MLLT10: variants seen among roughly 807,000 people sequenced by gnomAD.
The protein encoded by MLLT10 is protein AF-10.
MLLT10 carries 30 observed loss-of-function variants against 129.1 expected under a neutral mutation model. That is an observed-to-expected ratio of 0.23 (90% CI 0.17 to 0.32). The LOEUF is 0.32. MLLT10 is among the 10% of genes least tolerant of loss of function. The probability of loss-of-function intolerance (pLI) is 1.00; values close to 1 mark genes in which losing one functional copy is unlikely to be tolerated. For synonymous variants in MLLT10, 490 were observed against 446.4 expected, an observed-to-expected ratio of 1.10 and a Z score of -1.23; for missense variants, 1,119 against 1,268.3, an observed-to-expected ratio of 0.88 and a Z score of 1.79.
At chr10:21,675,685 A>G (rs1001792522) in intron 11 of MLLT10, among the ~76,000 whole-genome samples, 1 of 152,216 alleles carries the variant, frequency 6.6e-6, no homozygotes, top group Non-Finnish European at 1.5e-5. Context: ...TTTTAGCAAG[A>G]GGCGTAGTAA....
At chr10:21,602,322 C>T (rs1054150113) in intron 5 of MLLT10, among the ~76,000 whole-genome samples, 6 of 152,118 alleles carry the variant, frequency 3.9e-5, no homozygotes, top group Non-Finnish European at 8.8e-5. Flanking sequence ...CCCCTACCCC[C>T]AGCTGGCTCC....
chr10:21,630,465 A>T (rs921818917), intron 8 of MLLT10, among the ~76,000 whole-genome samples: 7 of 152,202 alleles, frequency 4.6e-5, no homozygotes, highest in African/African-American at 1.7e-4. Context: ...TCTCACATTT[A>T]TACACATCTT....
chr10:21,601,601 G>A (rs2043539014), intron 5 of MLLT10, among the ~76,000 whole-genome samples: 1 of 152,084 alleles, frequency 6.6e-6, no homozygotes. Flanking sequence ...TATGTCTCAC[G>A]ATAGCCTCAA....
intron 3 of MLLT10, among the ~76,000 whole-genome samples, chr10:21,566,353 C>G (rs957668103): frequency 7.2e-6 from 1 of 139,438 alleles, no homozygotes; most frequent in African/African-American, 2.6e-5. Context: ...TTTTTTGAGA[C>G]AAAGTCTTAC....
intron 5 of MLLT10, among the ~76,000 whole-genome samples, chr10:21,605,700 G>T (rs1238301407): frequency 6.6e-6 from 1 of 152,158 alleles, no homozygotes; most frequent in Non-Finnish European, 1.5e-5. Flanking sequence ...CTCCCAAAGT[G>T]CTGGGAACTA....
intron 14 of MLLT10, among the ~76,000 whole-genome samples, chr10:21,720,841 T>C (rs1041350172): frequency 2.0e-5 from 3 of 152,210 alleles, no homozygotes; most frequent in African/African-American, 7.2e-5. Context: ...GCGCTTACCA[T>C]GTGTCAAGCA....
chr10:21,735,142 C>T lies in MLLT10; in HGVS notation c.2862C>T (p.Ala954=). 6.2e-7 allele frequency: 1 copy of T among 1,612,054 alleles called. No individual in the cohort carries two copies. ...HPMPATLTNS[A]SGLGLLSDQQ... ...AAGAATTGTAATCATTTTTCAGTGC[C>T]TCAGGACTAGGATTACTTTCTGACC... The change falls in exon 21 of 23, where the codon GCC becomes GCT. Residue 954 remains alanine (A), a synonymous_variant. Transcript: ENST00000307729.
At chr10:21,664,118 C>G (rs2050495280) in intron 9 of MLLT10, among the ~76,000 whole-genome samples, 1 of 151,952 alleles carries the variant, frequency 6.6e-6, no homozygotes. Flanking sequence ...TTTTCCTTTT[C>G]TTCTTTGACC....
rs142308638 is a variant in MLLT10 at position 21,550,466 on chromosome 10, C to G, written c.240+11554C>G. ...ATGTTGCTGTCATAGTCAGTCCTAC[C>G]CTCTAAGGTATTGTTTCTGATAGCT... On this transcript the variant is annotated intron_variant, in intron 3 of 22. Transcript: ENST00000307729. 4.5e-4 allele frequency among the ~76,000 whole-genome samples: 68 copies of G among 152,272 alleles called. No individual in the cohort carries two copies. In the East Asian group the frequency reaches 0.013, roughly 29 times the overall value.
At chr10:21,717,145 C>T (rs1338219299) in intron 14 of MLLT10, among the ~76,000 whole-genome samples, 6 of 146,024 alleles carry the variant, frequency 4.1e-5, no homozygotes, top group African/African-American at 1.3e-4. Flanking sequence ...CCCAGCTACT[C>T]GGGAGGCTGA....
In MLLT10 at chr10:21,740,071, C is replaced by G; in HGVS notation, c.2997C>G (p.His999Gln). 6.2e-7 allele frequency: 1 copy of G among 1,613,552 alleles called. No individual in the cohort carries two copies. Among genetic ancestry groups the G allele is most frequent in the Non-Finnish European group, 8.5e-7 (1 of 1,179,778 alleles). ...TTTTGTATCAGTTAATGCAACATCA[C>G]CACCAGCAGCACCACCAACCTGAAC... ...QAFLYQLMQH[H>Q]HQQHHQPELQ... Residue 999 changes from histidine to glutamine, a missense_variant, in exon 22 of 23, where the codon CAC becomes CAG. Physicochemically the swap from His to Gln is conservative, Grantham distance 24. This residue lies in a region of MLLT10 where 1,004 missense variants were observed against 1,008.7 expected (regional missense o/e 1.00). Transcript: ENST00000307729.
chr10:21,621,565 G>T (rs2045859469), intron 8 of MLLT10, among the ~76,000 whole-genome samples: 1 of 152,018 alleles, frequency 6.6e-6, no homozygotes, highest in South Asian at 2.1e-4. Flanking sequence ...TTTTTTAAAA[G>T]TAGGTGAGCG....
At chr10:21,675,355 C>T (rs2051979951) in intron 11 of MLLT10, among the ~76,000 whole-genome samples, 1 of 152,108 alleles carries the variant, frequency 6.6e-6, no homozygotes, top group African/African-American at 2.4e-5. Context: ...CAGTCCCTGC[C>T]CCCTACAGGC....
intron 3 of MLLT10, chr10:21,556,503 G>C: frequency 1.6e-6 from 1 of 623,368 alleles, no homozygotes; most frequent in South Asian, 2.2e-5. Flanking sequence ...TTTTTCTTCA[G>C]CTGCTCCTGG....
At chr10:21,609,185 A>C (rs2044355738) in intron 5 of MLLT10, among the ~76,000 whole-genome samples, 1 of 152,190 alleles carries the variant, frequency 6.6e-6, no homozygotes, top group South Asian at 2.1e-4. Flanking sequence ...CCTTGGGGCC[A>C]CATAAACCAC....
At chr10:21,700,040 C>T (rs1367518558) in intron 13 of MLLT10, among the ~76,000 whole-genome samples, 3 of 150,656 alleles carry the variant, frequency 2.0e-5, no homozygotes, top group African/African-American at 7.3e-5. Flanking sequence ...GTGTCCTTTT[C>T]AATTTCTTTC....
intron 4 of MLLT10, among the ~76,000 whole-genome samples, chr10:21,591,285 C>A (rs1439906792): frequency 6.6e-6 from 1 of 152,134 alleles, no homozygotes; most frequent in Non-Finnish European, 1.5e-5. Flanking sequence ...TCTCAAACTG[C>A]TGAGCTCCAG....
intron 9 of MLLT10, among the ~76,000 whole-genome samples, chr10:21,666,874 ACAT>A (rs1323108200): frequency 6.6e-6 from 1 of 152,140 alleles, no homozygotes; most frequent in Non-Finnish European, 1.5e-5. Flanking sequence ...GAGAAATTTC[ACAT>A]CATCATCATC....
intron 14 of MLLT10, 121 bp from the exon 15 acceptor site, chr10:21,726,122 AG>A: frequency 1.5e-6 from 1 of 662,802 alleles, no homozygotes; most frequent in East Asian, 3.0e-5. Context: ...GCTTTTCAGA[AG>A]GTCACAAATT....
Sources: gnomAD v4.1 joint callset for allele counts (sites outside exome capture counted in the v4.1 genomes callset) on GRCh38, gnomAD v4.1.1 for gene constraint, gnomAD v4.1.1 regional missense constraint, MANE v1.5 for transcripts, NCBI Gene and HGNC (gene_info 2026-07-23, HGNC 2026-07-21) for gene names.